AMOTL2: variants seen among roughly 807,000 people sequenced by gnomAD.
The protein encoded by AMOTL2 is angiomotin like 2.
A neutral mutation model predicts 78.4 loss-of-function variants in AMOTL2; 33 were observed. The observed-to-expected ratio is 0.42, with a 90% CI of 0.32 to 0.56. AMOTL2 has a LOEUF of 0.56. AMOTL2 is among the 20% of genes least tolerant of loss of function. The pLI is 0.12. For synonymous variants in AMOTL2, 422 were observed against 428.8 expected (o/e 0.98, Z 0.20); for missense variants, 983 against 1,030.1 (o/e 0.95, Z 0.63).
chr3:134,370,217 C>A (rs2017789636), intron 2 of AMOTL2, among the ~76,000 whole-genome samples: 1 of 152,206 alleles, frequency 6.6e-6, no homozygotes, highest in Non-Finnish European at 1.5e-5. Context: ...GCTGAGAGGT[C>A]TCTAATCAGA....
At chr3:134,365,675 G>C in intron 5 of AMOTL2, 142 bp downstream of exon 5, 1 of 682,124 alleles carries the variant, frequency 1.5e-6, no homozygotes. Context: ...ATCCAGTCTA[G>C]TGTTGGGCAT....
In AMOTL2 at chr3:134,365,863, C is replaced by T. The variant is rs780932658; in HGVS notation, c.1233G>A (p.Glu411=). 11 of 1,614,114 alleles carry T rather than the reference C, an allele frequency of 6.8e-6. No individual in the cohort carries two copies. The highest frequency in any genetic ancestry group is 1.6e-4 in the Middle Eastern group (1 of 6,084). ...CCATGTCCTGACTGCCGGCCTGGGC[C>T]TCCTGTGTCTTGCTTGCCAGGCGGC... ...ANRRLASKTQ[E]AQAGSQDMVA... The change falls in exon 5 of 10, where the codon GAG becomes GAA. Residue 411 remains glutamate (E), a synonymous_variant. Coordinates refer to ENST00000249883, the MANE Select transcript of AMOTL2 (RefSeq NM_016201.4).
At chr3:134,372,530 A>AACACACACAC (rs58443336) in intron 1 of AMOTL2, among the ~76,000 whole-genome samples, 22,948 of 144,086 alleles carry the variant, frequency 0.16, 3,039 homozygotes, top group East Asian at 0.75. Context: ...TATCCTCCCC[A>AACACACACAC]ACACACACAC....
At chr3:134,373,437 C>T (rs1273747173) in intron 1 of AMOTL2, 3 of 982,110 alleles carry the variant, frequency 3.1e-6, no homozygotes, top group Non-Finnish European at 3.6e-6. Context: ...CCCGGCCAAG[C>T]CCCTCAGATT....
At chr3:134,372,097 T>C (rs1467100165) in intron 1 of AMOTL2, among the ~76,000 whole-genome samples, 1 of 152,136 alleles carries the variant, frequency 6.6e-6, no homozygotes, top group African/African-American at 2.4e-5. Context: ...GAGTCCAGCC[T>C]TGGTACAGTC....
At position 134,357,487 on chromosome 3, in the gene AMOTL2, C is replaced by A; in HGVS notation, c.*218G>T. ...TCCATAAGGCCCGGAGGAATGTGGG[C>A]TAAGAAGCAGAGTCTTCTGGGGGTG... On this transcript the variant is annotated 3_prime_UTR_variant, in exon 10 of 10. Coordinates refer to ENST00000249883, the MANE Select transcript of AMOTL2 (RefSeq NM_016201.4). The A allele has an allele frequency of 1.7e-6, 1 of 580,760 alleles. No individual in the cohort carries two copies. The highest frequency in any genetic ancestry group is 3.1e-6 in the Non-Finnish European group (1 of 322,830). 36.0% of individuals were successfully genotyped at this position (580,760 alleles called of 1,614,324 possible). A position where few individuals can be genotyped will look rare whatever the true frequency, so the allele number is the denominator to read the frequency against.
chr3:134,358,749 T>C (rs780629799), intron 8 of AMOTL2, 30 bp from the exon 9 acceptor site: 2 of 1,612,730 alleles, frequency 1.2e-6, no homozygotes, highest in Middle Eastern at 3.3e-4. Context: ...GTTATTGCCA[T>C]GCCTGTAAGA....
chr3:134,366,228 G>T, intron 4 of AMOTL2, 55 bp downstream of exon 4: 1 of 1,578,058 alleles, frequency 6.3e-7, no homozygotes, highest in Non-Finnish European at 8.6e-7. Context: ...TAGAACAAAA[G>T]AAGTAAGTCC....
intron 3 of AMOTL2, 53 bp from the exon 4 acceptor site, chr3:134,366,480 A>G (rs923986489): frequency 6.4e-7 from 1 of 1,567,356 alleles, no homozygotes; most frequent in African/African-American, 1.4e-5. Context: ...CCAGGGAGTG[A>G]TTCGAGGCTG....
At chr3:134,363,594 A>G (rs1482700845) in intron 5 of AMOTL2, among the ~76,000 whole-genome samples, 2 of 152,246 alleles carry the variant, frequency 1.3e-5, no homozygotes, top group African/African-American at 2.4e-5. Flanking sequence ...GGCCAGCCTC[A>G]GGCCTCAAGG....
At position 134,359,602 on chromosome 3, in the gene AMOTL2, C is replaced by A. The variant is rs562623840; in HGVS notation, c.1884-99G>T. The A allele has an allele frequency of 7.7e-5, 73 of 951,508 alleles. No homozygotes were observed. The African/African-American group carries it at 1.0e-3, about 14-fold the overall frequency. The allele number at this position is 951,508 out of a possible 1,614,324, so 58.9% of individuals were successfully genotyped here. A position where few individuals can be genotyped will look rare whatever the true frequency, so the allele number is the denominator to read the frequency against. ...GAGTTAGAGGAAAAGCCCCCCCCAA[C>A]TCCCCCAACCCTGCCAGGCTGGATC... On this transcript the variant is annotated intron_variant, in intron 7 of 9. Coordinates refer to ENST00000249883, the MANE Select transcript of AMOTL2 (RefSeq NM_016201.4).
chr3:134,357,997 G>C (rs916686133), intron 9 of AMOTL2, among the ~76,000 whole-genome samples: 1 of 152,216 alleles, frequency 6.6e-6, no homozygotes, highest in Non-Finnish European at 1.5e-5. Context: ...GAACTGGTTG[G>C]AGGGCTTAGA....
At position 134,360,965 on chromosome 3, in the gene AMOTL2, G is replaced by A. The variant is rs930058850; in HGVS notation, c.1575+547C>T. ...AAGGTCGGCGGACCACGTGAGGTCA[G>A]GGGTTCAAGACCAGCCTGGCCAATA... On this transcript the variant is annotated intron_variant, in intron 6 of 9. Transcript: ENST00000249883. Among the ~76,000 whole-genome samples, 23 of 152,190 alleles carry A rather than the reference G, an allele frequency of 1.5e-4. 1 individual carries two copies. Among genetic ancestry groups the A allele is most frequent in the Non-Finnish European group, 2.9e-5 (2 of 68,026 alleles).
In AMOTL2 at chr3:134,371,109, C is replaced by T; in HGVS notation, c.325G>A (p.Glu109Lys). 1 of 1,613,144 alleles carries T rather than the reference C, an allele frequency of 6.2e-7. No individual in the cohort carries two copies. Among genetic ancestry groups the T allele is most frequent in the South Asian group, 1.1e-5 (1 of 90,746 alleles). The change falls in exon 2 of 10, where the codon GAG (glutamate) becomes AAG (lysine). Residue 109 changes from glutamate (E) to lysine (K), a missense_variant. Glu to Lys is a moderately conservative substitution (Grantham distance 56). Coordinates refer to ENST00000249883, the MANE Select transcript of AMOTL2 (RefSeq NM_016201.4). ...SKGEELPTYE[E>K]AKAHSQYYAA... ...TAGTACTGCGAGTGGGCTTTGGCCT[C>T]CTCATAGGTGGGCAGCTCCTCTCCC... is the stretch of plus-strand genomic sequence containing the variant.
At chr3:134,374,305 T>G in intron 1 of AMOTL2, 37 bp downstream of exon 1, 2 of 985,400 alleles carry the variant, frequency 2.0e-6, no homozygotes, top group Non-Finnish European at 2.4e-6. Context: ...TTCTGTGGCC[T>G]CGCGCGCTCT....
chr3:134,365,037 C>A (rs1372875106), intron 5 of AMOTL2, among the ~76,000 whole-genome samples: 1 of 152,102 alleles, frequency 6.6e-6, no homozygotes, highest in East Asian at 1.9e-4. Context: ...GCCATCCCCA[C>A]AGAGCCCCTC....
At position 134,357,472 on chromosome 3, in the gene AMOTL2, C is replaced by T. The variant is rs1013404928; in HGVS notation, c.*233G>A. On this transcript the variant is annotated 3_prime_UTR_variant, in exon 10 of 10. Transcript: ENST00000249883. ...GCTGAATCCTCATTCTCCATAAGGC[C>T]CGGAGGAATGTGGGCTAAGAAGCAG... The T allele has an allele frequency of 9.0e-6, 5 of 558,528 alleles. No homozygotes were observed. The highest frequency in any genetic ancestry group is 5.6e-5 in the African/African-American group (3 of 53,156). The allele number at this position is 558,528 out of a possible 1,614,324, so 34.6% of individuals were successfully genotyped here.
upstream of AMOTL2, chr3:134,374,696 G>C (rs1291589469): frequency 2.0e-6 from 2 of 981,848 alleles, no homozygotes; most frequent in Non-Finnish European, 2.4e-6. Context: ...TCCGCGCCCA[G>C]CGCCCTCCAG....
upstream of AMOTL2, chr3:134,374,691 G>T (rs887758516): frequency 1.2e-5 from 12 of 980,652 alleles, no homozygotes; most frequent in African/African-American, 1.2e-4. Flanking sequence ...GTTCCTCCGC[G>T]CCCAGCGCCC....
Sources: gnomAD v4.1 joint callset for allele counts (sites outside exome capture counted in the v4.1 genomes callset) on GRCh38, gnomAD v4.1.1 for gene constraint, MANE v1.5 for transcripts, NCBI Gene and HGNC (gene_info 2026-07-23, HGNC 2026-07-21) for gene names.